Variants in IKZF1 observed in about 807,000 individuals in gnomAD.
IKZF1 encodes the protein IKAROS family zinc finger 1.
A neutral mutation model predicts 51.7 loss-of-function variants in IKZF1; 10 were observed. The observed-to-expected ratio is 0.19, with a 90% confidence interval of 0.12 to 0.33. The LOEUF (loss-of-function observed/expected upper bound fraction) is 0.33. IKZF1 is among the 10% of genes least tolerant of loss of function. The probability of loss-of-function intolerance (pLI) is 1.00; values close to 1 mark genes in which losing one functional copy is unlikely to be tolerated. For missense variants in IKZF1, 484 were observed against 707.5 expected (o/e 0.68, Z 3.58); for synonymous variants, 280 against 282.3 (o/e 0.99, Z 0.08).
intron 6 of IKZF1, among the ~76,000 whole-genome samples, chr7:50,391,006 A>G (rs1814879702): frequency 6.6e-6 from 1 of 152,192 alleles, no homozygotes; most frequent in Non-Finnish European, 1.5e-5. Flanking sequence ...AAAGAGTTAT[A>G]TTTTTATAAC....
chr7:50,355,953 A>G (rs1803241182), intron 3 of IKZF1, among the ~76,000 whole-genome samples: 1 of 152,198 alleles, frequency 6.6e-6, no homozygotes, highest in African/African-American at 2.4e-5. Context: ...ACGCTCCTTC[A>G]GTGGGGATGT....
chr7:50,402,042 G>A lies in IKZF1; in HGVS notation c.*1415G>A. The A allele has an allele frequency of 4.3e-6, 1 of 230,196 alleles. No individual in the cohort carries two copies. The highest frequency in any genetic ancestry group is 6.1e-5 in the East Asian group (1 of 16,296). The allele number at this position is 230,196 out of a possible 1,614,324, so 14.3% of individuals were successfully genotyped here. On this transcript the variant is annotated 3_prime_UTR_variant, in exon 8 of 8. Transcript: ENST00000331340. Reference sequence around the variant, plus strand: ...GAAAGAGGAGGCAAATGGCACTGCAGGTGAGAACCCCGCCCATCCGTGCTA... The same window carrying A: ...GAAAGAGGAGGCAAATGGCACTGCAAGTGAGAACCCCGCCCATCCGTGCTA...
chr7:50,384,270 C>T (rs565290494), intron 5 of IKZF1, among the ~76,000 whole-genome samples: 78 of 152,354 alleles, frequency 5.1e-4, no homozygotes, highest in African/African-American at 1.8e-3. Flanking sequence ...CAGTAGTTCA[C>T]CCAGTTGGCT....
chr7:50,395,228 G>A (rs1007619578), intron 7 of IKZF1, among the ~76,000 whole-genome samples: 1 of 152,152 alleles, frequency 6.6e-6, no homozygotes, highest in Non-Finnish European at 1.5e-5. Flanking sequence ...TGGATAGGCT[G>A]ATGAATTAGG....
chr7:50,387,514 C>T (rs889357774), intron 6 of IKZF1, 44 bp downstream of exon 6: 3 of 1,570,048 alleles, frequency 1.9e-6, no homozygotes, highest in Non-Finnish European at 2.6e-6. Context: ...GCTCTCCCCC[C>T]AGCACGGTGG....
intron 1 of IKZF1, among the ~76,000 whole-genome samples, chr7:50,315,583 T>C (rs1413269574): frequency 6.6e-6 from 1 of 152,260 alleles, no homozygotes; most frequent in Non-Finnish European, 1.5e-5. Flanking sequence ...GCTGATATTG[T>C]TGTATTTTTT....
At chr7:50,395,175 A>G (rs1816356113) in intron 7 of IKZF1, among the ~76,000 whole-genome samples, 1 of 152,236 alleles carries the variant, frequency 6.6e-6, no homozygotes, top group Non-Finnish European at 1.5e-5. Flanking sequence ...TTAAAAGTAG[A>G]AAAGTATCAT....
At chr7:50,396,136 T>A (rs1816645394) in intron 7 of IKZF1, among the ~76,000 whole-genome samples, 1 of 152,164 alleles carries the variant, frequency 6.6e-6, no homozygotes, top group South Asian at 2.1e-4. Context: ...TTCTCTTTTA[T>A]ATAAATATGT....
intron 1 of IKZF1, 76 bp from the exon 2 acceptor site, chr7:50,318,972 T>C: frequency 1.1e-6 from 1 of 899,418 alleles, no homozygotes; most frequent in Non-Finnish European, 1.8e-6. Flanking sequence ...AGCATAGGGG[T>C]TCTTTATCTC....
chr7:50,325,467 A>C (rs7458084), intron 2 of IKZF1, among the ~76,000 whole-genome samples: 1 of 151,828 alleles, frequency 6.6e-6, no homozygotes. Flanking sequence ...TTTAGCAATT[A>C]TTACTTTAAA....
intron 6 of IKZF1, chr7:50,388,353 A>G (rs1814033448): frequency 6.6e-6 from 1 of 152,262 alleles, no homozygotes; most frequent in Non-Finnish European, 1.5e-5. Flanking sequence ...ACTTTAACAA[A>G]TGGTTCAAAA....
At chr7:50,338,675 G>A (rs1350314657) in intron 3 of IKZF1, among the ~76,000 whole-genome samples, 2 of 152,148 alleles carry the variant, frequency 1.3e-5, no homozygotes, top group Admixed American at 6.5e-5. Flanking sequence ...CCTTAACATT[G>A]CCCCGGAAAG....
At chr7:50,381,743 G>T (rs962700730) in intron 4 of IKZF1, among the ~76,000 whole-genome samples, 1 of 152,212 alleles carries the variant, frequency 6.6e-6, no homozygotes, top group African/African-American at 2.4e-5. Context: ...TAGCTTAAAT[G>T]TTTTAGGATT....
intron 3 of IKZF1, chr7:50,369,294 T>C (rs536476280): frequency 5.2e-6 from 2 of 384,252 alleles, no homozygotes; most frequent in Non-Finnish European, 9.2e-6. Context: ...TCCTAAAACA[T>C]GTTTCTGTGA....
At chr7:50,357,817 G>A (rs1376551722) in intron 3 of IKZF1, among the ~76,000 whole-genome samples, 2 of 152,200 alleles carry the variant, frequency 1.3e-5, no homozygotes, top group East Asian at 1.9e-4. Flanking sequence ...GGGAGGCAAC[G>A]AGTTAAGAAA....
At position 50,403,914 on chromosome 7, in the gene IKZF1, C is replaced by T. The variant is rs1818559384; in HGVS notation, c.*3287C>T. 4.6e-6 allele frequency: 1 copy of T among 217,746 alleles called. No homozygotes were observed. The highest frequency in any genetic ancestry group is 9.2e-6 in the Non-Finnish European group (1 of 108,112). 13.5% of individuals were successfully genotyped at this position (217,746 alleles called of 1,614,324 possible). ...ATGAACTGGACTTATGTAGACAAAT[C>T]GTGATGCCAGTGTATCCTTCCTTTC... On this transcript the variant is annotated 3_prime_UTR_variant, in exon 8 of 8. Transcript: ENST00000331340.
Position 50,401,584 on chromosome 7 carries a change from C to T in IKZF1, c.*957C>T, listed in dbSNP as rs1365261879. 2.3e-5 allele frequency: 5 copies of T among 221,562 alleles called. No homozygotes were observed. The highest frequency in any genetic ancestry group is 4.5e-5 in the African/African-American group (2 of 44,690). 13.7% of individuals were successfully genotyped at this position (221,562 alleles called of 1,614,324 possible). A position where few individuals can be genotyped will look rare whatever the true frequency, so the allele number is the denominator to read the frequency against. ...CCAAAGCTTTATTTCAAATCTCTTC[C>T]TTCCCTGGCTGGTTCCATCTAGTAC... is the stretch of plus-strand genomic sequence containing the variant. On this transcript the variant is annotated 3_prime_UTR_variant, in exon 8 of 8. Coordinates refer to ENST00000331340, the MANE Select transcript of IKZF1 (RefSeq NM_006060.6).
At chr7:50,329,542 A>C (rs1246522579) in intron 3 of IKZF1, among the ~76,000 whole-genome samples, 1 of 152,276 alleles carries the variant, frequency 6.6e-6, no homozygotes, top group African/African-American at 2.4e-5. Flanking sequence ...TTAAAAAATC[A>C]GTTTAAATAA....
At chr7:50,330,147 G>A (rs1796123868) in intron 3 of IKZF1, among the ~76,000 whole-genome samples, 2 of 152,110 alleles carry the variant, frequency 1.3e-5, no homozygotes, top group African/African-American at 4.8e-5. Context: ...TCAGGGGCGG[G>A]TTTGTCATAG....
Sources: allele counts gnomAD v4.1 joint callset (sites outside exome capture counted in the v4.1 genomes callset), GRCh38; gene constraint gnomAD v4.1.1; transcripts MANE v1.5; gene names NCBI Gene and HGNC (gene_info 2026-07-23, HGNC 2026-07-21).